Variants in LARGE1 observed in about 807,000 individuals in gnomAD.
LARGE1 encodes LARGE xylosyl- and glucuronyltransferase 1, also known as xylosyl- and glucuronyltransferase LARGE1.
In LARGE1, 43 loss-of-function variants were observed where a neutral mutation model predicts 87.6. The ratio of observed to expected loss-of-function variants is 0.49; its 90% CI spans 0.38 to 0.63. LARGE1 has a LOEUF of 0.63. Ranked by LOEUF, LARGE1 falls within the 30% of genes least tolerant of loss-of-function variation. The probability of loss-of-function intolerance (pLI) is 0.00; values close to 1 mark genes in which losing one functional copy is unlikely to be tolerated. For missense variants in LARGE1, 802 were observed against 1,000.2 expected (o/e 0.80, Z 2.67); for synonymous variants, 434 against 394.6 (o/e 1.10, Z -1.18).
At position 33,274,490 on chromosome 22, in the gene LARGE1, C is replaced by T. The variant is rs759427879; in HGVS notation, c.2208G>A (p.Gln736=). 3.6e-5 allele frequency: 58 copies of T among 1,614,032 alleles called. No homozygotes were observed. Among genetic ancestry groups the T allele is most frequent in the Admixed American group, 3.3e-5 (2 of 60,000 alleles). The change falls in exon 15 of 15, where the codon CAG becomes CAA. Residue 736 remains glutamine, a synonymous_variant. Transcript: ENST00000397394. ...CAAAGCCGTAGCGGCGGGACATGTC[C>T]TGCTGAAACTCTTCCTTGAGGGTTT... The part of the protein sequence containing the change: ...CLKTLKEEFQ[Q]DMSRRYGFAA...
the LARGE1 span, among the ~76,000 whole-genome samples, chr22:33,104,909 T>TTC: frequency 1.7e-5 from 1 of 58,246 alleles, no homozygotes; most frequent in African/African-American, 4.6e-5. Flanking sequence ...CTTTCTTTCT[T>TTC]TCTTTCTTTC....
chr22:33,478,563 T>C (rs1299432165), intron 6 of LARGE1, among the ~76,000 whole-genome samples: 1 of 152,194 alleles, frequency 6.6e-6, no homozygotes, highest in African/African-American at 2.4e-5. Flanking sequence ...GTCAAACAGA[T>C]TTGTTTGGGA....
At chr22:33,612,306 A>C (rs1290107967) in intron 4 of LARGE1, among the ~76,000 whole-genome samples, 1 of 152,082 alleles carries the variant, frequency 6.6e-6, no homozygotes, top group Non-Finnish European at 1.5e-5. Context: ...GTTTCACCAC[A>C]TTGGCCAGGC....
intron 6 of LARGE1, among the ~76,000 whole-genome samples, chr22:33,486,553 G>A (rs1025928095): frequency 5.3e-5 from 8 of 152,006 alleles, no homozygotes; most frequent in Non-Finnish European, 7.4e-5. Flanking sequence ...AGAGGAGAGC[G>A]CACACCAGGG....
intron 3 of LARGE1, among the ~76,000 whole-genome samples, chr22:33,644,358 A>G (rs1299196278): frequency 1.3e-5 from 2 of 152,214 alleles, no homozygotes; most frequent in East Asian, 3.8e-4. Flanking sequence ...ATAAAATTCA[A>G]CACCTCTTCA....
At chr22:33,070,412 C>T in the LARGE1 span, among the ~76,000 whole-genome samples, 1 of 152,140 alleles carries the variant, frequency 6.6e-6, no homozygotes, top group East Asian at 1.9e-4. Flanking sequence ...GTTCTCACAG[C>T]TTGTGGGGTG....
intron 7 of LARGE1, among the ~76,000 whole-genome samples, chr22:33,410,768 A>G (rs765249057): frequency 4.6e-5 from 7 of 152,152 alleles, no homozygotes; most frequent in African/African-American, 7.2e-5. Flanking sequence ...GGTAGGCTTA[A>G]GCACTGGGCT....
intron 7 of LARGE1, among the ~76,000 whole-genome samples, chr22:33,415,889 T>C (rs1601761038): frequency 6.6e-6 from 1 of 152,300 alleles, no homozygotes; most frequent in East Asian, 1.9e-4. Context: ...ACCTTCCAGC[T>C]TGCTGGATAA....
chr22:33,298,945 T>C (rs975911482), intron 12 of LARGE1, among the ~76,000 whole-genome samples: 3 of 151,836 alleles, frequency 2.0e-5, no homozygotes, highest in Non-Finnish European at 4.4e-5. Flanking sequence ...GCAGTGGCTC[T>C]TGCCTGTAAT....
At chr22:33,699,473 G>C (rs567275366) in intron 2 of LARGE1, among the ~76,000 whole-genome samples, 1 of 152,344 alleles carries the variant, frequency 6.6e-6, no homozygotes, top group South Asian at 2.1e-4. Context: ...GAGCTGCAAA[G>C]TGGGTTAAGT....
At chr22:33,922,078 C>G (rs55963330), upstream of LARGE1, among the ~76,000 whole-genome samples, 16,731 of 152,094 alleles carry the variant, frequency 0.11, 985 homozygotes, top group Middle Eastern at 0.16. Flanking sequence ...TCCACCTCTC[C>G]CCAGCCGGGC....
intron 12 of LARGE1, among the ~76,000 whole-genome samples, chr22:33,303,741 C>G (rs929040674): frequency 4.0e-5 from 6 of 151,884 alleles, no homozygotes; most frequent in African/African-American, 1.5e-4. Context: ...CCTGCCTCAG[C>G]TTCCCAAGTA....
Position 33,796,218 on chromosome 22 carries a change from T to C in LARGE1, c.-82-34660A>G, listed in dbSNP as rs144055299. 2.4e-3 allele frequency among the ~76,000 whole-genome samples: 358 copies of C among 152,330 alleles called. 4 individuals are homozygous for C. The highest frequency in any genetic ancestry group is 8.1e-3 in the African/African-American group (336 of 41,564). On this transcript the variant is annotated intron_variant, in intron 1 of 14. Coordinates refer to ENST00000397394, the MANE Select transcript of LARGE1 (RefSeq NM_133642.5). ...TAAAACAAATTAAGAGTTTGAGTAT[T>C]ACTCGGGTATACATCCATACACATA...
intron 3 of LARGE1, among the ~76,000 whole-genome samples, chr22:33,648,837 A>G (rs2149174370): frequency 6.6e-6 from 1 of 152,350 alleles, no homozygotes; most frequent in East Asian, 1.9e-4. Flanking sequence ...GACAGATGTA[A>G]GAACCAGAGG....
chr22:33,268,409 T>C (rs559290483), downstream of LARGE1, among the ~76,000 whole-genome samples: 3 of 149,226 alleles, frequency 2.0e-5, no homozygotes, highest in South Asian at 6.3e-4. Context: ...CTGATGAATA[T>C]CTTAATAGCT....
intron 1 of LARGE1, among the ~76,000 whole-genome samples, chr22:33,877,729 C>G (rs964603729): frequency 1.3e-5 from 2 of 152,016 alleles, no homozygotes; most frequent in South Asian, 4.2e-4. Context: ...TCGAGACCAG[C>G]CTGGCCAACA....
At chr22:33,094,943 T>A in the LARGE1 span, among the ~76,000 whole-genome samples, 10 of 152,332 alleles carry the variant, frequency 6.6e-5, no homozygotes, top group Admixed American at 2.0e-4. Flanking sequence ...TGTCTTGAAC[T>A]CCCGACCTCC....
intron 3 of LARGE1, among the ~76,000 whole-genome samples, chr22:33,634,952 T>TA (rs927922151): frequency 7.3e-5 from 11 of 151,330 alleles, no homozygotes; most frequent in East Asian, 3.9e-4. Flanking sequence ...CCATTTCTAC[T>TA]AAAAAAAATA....
At chr22:33,167,601 G>C (rs552364402) in intron 11 of LARGE1, among the ~76,000 whole-genome samples, 10 of 152,142 alleles carry the variant, frequency 6.6e-5, no homozygotes, top group Non-Finnish European at 1.3e-4. Context: ...TTAATAATTC[G>C]AGATTCAAAG....
Sources: gnomAD v4.1 joint callset for allele counts (sites outside exome capture counted in the v4.1 genomes callset) on GRCh38, gnomAD v4.1.1 for gene constraint, MANE v1.5 for transcripts, NCBI Gene and HGNC (gene_info 2026-07-23, HGNC 2026-07-21) for gene names.